JAG2: variants seen among roughly 807,000 people sequenced by gnomAD.
The protein encoded by JAG2 is jagged canonical Notch ligand 2.
A neutral mutation model predicts 141.7 loss-of-function variants in JAG2; 46 were observed. The ratio of observed to expected loss-of-function variants is 0.32; its 90% CI spans 0.26 to 0.42. The LOEUF (loss-of-function observed/expected upper bound fraction) is 0.42. Among genes scored for constraint, JAG2 ranks in the 10% least tolerant of loss-of-function variants. The pLI is 1.00. For synonymous variants in JAG2, 862 were observed against 763.5 expected, an observed-to-expected ratio of 1.13 and a Z score of -2.13; for missense variants, 1,500 against 1,817.5, an observed-to-expected ratio of 0.83 and a Z score of 3.18.
At chr14:105,146,579 G>A (rs367545034) in intron 21 of JAG2, 32 bp downstream of exon 21, 160 of 1,589,122 alleles carry the variant, frequency 1.0e-4, no homozygotes, top group Non-Finnish European at 5.1e-5. Context: ...CCCCCAACCC[G>A]CCCCAACCCA....
Position 105,145,046 on chromosome 14 carries a change from C to A in JAG2, c.2968G>T (p.Ala990Ser), listed in dbSNP as rs766346968. Residue 990 changes from alanine to serine, a missense_variant, in exon 24 of 26, where the codon GCC becomes TCC. Physicochemically the swap from Ala to Ser is moderately conservative, Grantham distance 99 (BLOSUM62 1). Coordinates refer to ENST00000331782, the MANE Select transcript of JAG2 (RefSeq NM_002226.5). ...DHVPQGTTVG[A>S]ICSGIRSLPA... ...AGGGAGCGGATCCCGGAGCAAATGGCGCCCACCGTGGTGCCCTGGGCAGAG... is the reference window on the plus strand; with the variant it reads ...AGGGAGCGGATCCCGGAGCAAATGGAGCCCACCGTGGTGCCCTGGGCAGAG... 6.2e-7 allele frequency: 1 copy of A among 1,609,934 alleles called. No homozygotes were observed. The highest frequency in any genetic ancestry group is 8.5e-7 in the Non-Finnish European group (1 of 1,179,772).
At position 105,143,508 on chromosome 14, in the gene JAG2, G is replaced by A. The variant is rs117293701; in HGVS notation, c.3215C>T (p.Thr1072Met). Reference protein sequence around the residue: ...LLAVTEVKVETVVTGGSSTGL... With the variant: ...LLAVTEVKVEMVVTGGSSTGL... ...TGTGGAAGAGCCGCCCGTAACAACC[G>A]TCTCCACCTTGACCTCGGTGACAGC... The change falls in exon 25 of 26, where the codon ACG (threonine) becomes ATG (methionine). Residue 1072 changes from threonine to methionine, a missense_variant. By Grantham distance (81) the Thr-to-Met change is moderately conservative (BLOSUM62 -1). Transcript: ENST00000331782. 38 of 1,570,764 alleles carry A rather than the reference G, an allele frequency of 2.4e-5. No homozygotes were observed. Among genetic ancestry groups the A allele is most frequent in the African/African-American group, 4.0e-5 (3 of 74,560 alleles).
chr14:105,151,437 C>G, intron 8 of JAG2, 41 bp from the exon 9 acceptor site: 1 of 1,574,624 alleles, frequency 6.4e-7, no homozygotes, highest in South Asian at 1.1e-5. Flanking sequence ...GCAGTGTGAG[C>G]CGTGGGAATA....
At chr14:105,146,336 G>A in intron 22 of JAG2, 49 bp downstream of exon 22, 1 of 1,487,192 alleles carries the variant, frequency 6.7e-7, no homozygotes, top group South Asian at 1.1e-5. Flanking sequence ...GCCAGGGTCA[G>A]CGTGCACCAG....
At chr14:105,162,293 G>A (rs1225347092) in intron 2 of JAG2, among the ~76,000 whole-genome samples, 4 of 145,230 alleles carry the variant, frequency 2.8e-5, no homozygotes, top group Non-Finnish European at 4.6e-5. Context: ...CACCCCCACC[G>A]CACAAGCAGA....
At chr14:105,162,289 CA>C (rs1950961603) in intron 2 of JAG2, among the ~76,000 whole-genome samples, 1 of 152,078 alleles carries the variant, frequency 6.6e-6, no homozygotes, top group Non-Finnish European at 1.5e-5. Flanking sequence ...GACCCACCCC[CA>C]CCGCACAAGC....
At chr14:105,148,555 G>T (rs1888304998) in intron 15 of JAG2, 116 bp from the exon 16 acceptor site, 3 of 845,876 alleles carry the variant, frequency 3.5e-6, no homozygotes, top group Non-Finnish European at 5.6e-6. Flanking sequence ...CGGGGGAGGA[G>T]CGTCGGGCCG....
Position 105,146,551 on chromosome 14 carries a change from G to A in JAG2, c.2594-51C>T, listed in dbSNP as rs186446999. Reference sequence around the variant, plus strand: ...CAGCAGTGGGCATCTGGCCCTCGGGGCTGGGTGTCACCCATGCCCCCCAAC... The same window carrying A: ...CAGCAGTGGGCATCTGGCCCTCGGGACTGGGTGTCACCCATGCCCCCCAAC... On this transcript the variant is annotated intron_variant, in intron 21 of 25. Transcript: ENST00000331782. The A allele has an allele frequency of 7.5e-6, 12 of 1,604,320 alleles. No homozygotes were observed. In the Admixed American group the frequency reaches 1.8e-4, roughly 25 times the overall value.
chr14:105,166,085 C>T (rs1051000739), intron 2 of JAG2, among the ~76,000 whole-genome samples: 5 of 152,250 alleles, frequency 3.3e-5, no homozygotes, highest in African/African-American at 1.2e-4. Context: ...GACAGGCCGC[C>T]TGCCCCCTCC....
rs375890230 is a variant in JAG2, at chr14:105,143,775, G to A, written c.3085-137C>T. Reference sequence around the variant, plus strand: ...CGAGAGCCCGGGGTCCTGCAGTGGCGACTTCACCACCAGGCAGTGAGTGGG... The same window carrying A: ...CGAGAGCCCGGGGTCCTGCAGTGGCAACTTCACCACCAGGCAGTGAGTGGG... On this transcript the variant is annotated intron_variant, in intron 24 of 25. Coordinates refer to ENST00000331782, the MANE Select transcript of JAG2 (RefSeq NM_002226.5). 76 of 997,810 alleles carry A rather than the reference G, an allele frequency of 7.6e-5. No individual in the cohort carries two copies. The East Asian group carries it at 8.3e-4, about 11-fold the overall frequency. 61.8% of individuals were successfully genotyped at this position (997,810 alleles called of 1,614,324 possible). A position where few individuals can be genotyped will look rare whatever the true frequency, so the allele number is the denominator to read the frequency against.
rs894530212 is a variant in JAG2, at chr14:105,142,221, G to A, written c.*474C>T. The A allele has an allele frequency of 2.5e-5, 4 of 162,782 alleles. No individual in the cohort carries two copies. Among genetic ancestry groups the A allele is most frequent in the East Asian group, 1.9e-4 (1 of 5,286 alleles). 10.1% of individuals were successfully genotyped at this position (162,782 alleles called of 1,614,324 possible). ...AGCCACAGGTCCCATTGACAGCCACGAGTCCCACCGACAGCCACAGGCCAC... is the reference window on the plus strand; with the variant it reads ...AGCCACAGGTCCCATTGACAGCCACAAGTCCCACCGACAGCCACAGGCCAC... On this transcript the variant is annotated 3_prime_UTR_variant, in exon 26 of 26. Coordinates refer to ENST00000331782, the MANE Select transcript of JAG2 (RefSeq NM_002226.5).
chr14:105,158,002 G>A (rs1489284022), intron 2 of JAG2, among the ~76,000 whole-genome samples: 1 of 152,208 alleles, frequency 6.6e-6, no homozygotes, highest in African/African-American at 2.4e-5. Flanking sequence ...AGGGGCCTGG[G>A]CTCCCTACCG....
At chr14:105,148,305 C>T (rs1888294770) in intron 16 of JAG2, 21 bp downstream of exon 16, 6 of 1,603,238 alleles carry the variant, frequency 3.7e-6, no homozygotes, top group Non-Finnish European at 5.1e-6. Context: ...CCCCAGGCGG[C>T]CAGGGCCTGC....
At chr14:105,151,886 A>G in intron 7 of JAG2, 52 bp downstream of exon 7, 1 of 1,611,734 alleles carries the variant, frequency 6.2e-7, no homozygotes, top group Non-Finnish European at 8.5e-7. Context: ...CCGGCTCCCC[A>G]GGGAACCAGT....
chr14:105,144,891 C>T, intron 24 of JAG2, 39 bp downstream of exon 24: 1 of 1,590,662 alleles, frequency 6.3e-7, no homozygotes, highest in South Asian at 1.1e-5. Flanking sequence ...GTACGGGACC[C>T]AGGGCCCACC....
intron 2 of JAG2, among the ~76,000 whole-genome samples, chr14:105,160,378 C>T (rs1289485101): frequency 1.6e-5 from 2 of 128,704 alleles, no homozygotes; most frequent in Non-Finnish European, 3.3e-5. Flanking sequence ...TGGCCAAGCC[C>T]TTCCCCACCC....
intron 2 of JAG2, among the ~76,000 whole-genome samples, chr14:105,165,996 G>A (rs916945662): frequency 1.3e-5 from 2 of 152,124 alleles, no homozygotes; most frequent in African/African-American, 4.8e-5. Context: ...GCTCCCGCCC[G>A]GCAGCCAGGC....
In JAG2 at chr14:105,147,765, C is replaced by T. The variant is rs1201883312; in HGVS notation, c.2365+7G>A. 5.2e-6 allele frequency: 8 copies of T among 1,535,764 alleles called. No homozygotes were observed. The highest frequency in any genetic ancestry group is 4.3e-4 in the Middle Eastern group (2 of 4,684). On this transcript the variant is annotated splice_region_variant and intron_variant, in intron 18 of 25. Transcript: ENST00000331782. ...GCGGCCCCCGCCCACACCCCTCCCA[C>T]ACTCACTGTGAGTGCAAGTACGACC...
Position 105,150,924 on chromosome 14 carries a change from G to A in JAG2, c.1382-13C>T, listed in dbSNP as rs760059294. 6.3e-6 allele frequency: 10 copies of A among 1,596,826 alleles called. No homozygotes were observed. The highest frequency in any genetic ancestry group is 1.3e-5 in the African/African-American group (1 of 74,588). On this transcript the variant is annotated splice_polypyrimidine_tract_variant and intron_variant, in intron 10 of 25. Transcript: ENST00000331782. ...CAGTCGTTGACGTCTGGGGGCAGAG[G>A]AGCAGGGTCAGAGGCGGGGTCCCAT...
Sources: gnomAD v4.1 joint callset for allele counts (sites outside exome capture counted in the v4.1 genomes callset) on GRCh38, gnomAD v4.1.1 for gene constraint, MANE v1.5 for transcripts, NCBI Gene and HGNC (gene_info 2026-07-23, HGNC 2026-07-21) for gene names.